Variants in NEBL observed in about 807,000 individuals in gnomAD.
NEBL encodes LIM and SH3 protein 2.
A neutral mutation model predicts 140.2 loss-of-function variants in NEBL; 122 were observed. The observed-to-expected ratio is 0.87, with a 90% CI of 0.75 to 1.01. NEBL has a LOEUF of 1.01. Among genes scored for constraint, NEBL ranks in the 50% least tolerant of loss-of-function variants. The probability of loss-of-function intolerance (pLI) is 0.00; values close to 1 mark genes in which losing one functional copy is unlikely to be tolerated. For missense variants in NEBL, 1,365 were observed against 1,231.3 expected, an observed-to-expected ratio of 1.11 and a Z score of -1.62; for synonymous variants, 436 against 398.9, an observed-to-expected ratio of 1.09 and a Z score of -1.11.
chr10:20,874,873 G>A (rs1290111410), intron 5 of NEBL, among the ~76,000 whole-genome samples: 3 of 152,104 alleles, frequency 2.0e-5, no homozygotes, highest in African/African-American at 7.2e-5. Context: ...CTGAGTAGCT[G>A]GGATTACAGG....
intron 5 of NEBL, among the ~76,000 whole-genome samples, chr10:20,871,490 A>T (rs549487680): frequency 6.6e-6 from 1 of 152,220 alleles, no homozygotes; most frequent in South Asian, 2.1e-4. Context: ...GCATTAATAC[A>T]TCAACAGGCT....
intron 3 of NEBL, among the ~76,000 whole-genome samples, chr10:20,996,909 C>T (rs748666279): frequency 7.2e-5 from 11 of 152,102 alleles, no homozygotes; most frequent in African/African-American, 1.4e-4. Flanking sequence ...CATTTGGAAA[C>T]GTGTGTGCAA....
At chr10:20,945,700 C>T (rs1042200817) in intron 4 of NEBL, among the ~76,000 whole-genome samples, 1 of 152,188 alleles carries the variant, frequency 6.6e-6, no homozygotes, top group Non-Finnish European at 1.5e-5. Flanking sequence ...TAAGAACACA[C>T]TAGCTTCCGT....
intron 4 of NEBL, among the ~76,000 whole-genome samples, chr10:20,912,742 T>C (rs558439228): frequency 5.3e-5 from 8 of 152,162 alleles, no homozygotes; most frequent in Non-Finnish European, 1.2e-4. Flanking sequence ...TGACTTGAGA[T>C]TTCTGAATGA....
At chr10:20,991,377 T>C (rs944909626) in intron 3 of NEBL, among the ~76,000 whole-genome samples, 4 of 152,196 alleles carry the variant, frequency 2.6e-5, no homozygotes, top group Admixed American at 2.6e-4. Context: ...TGTCATATTG[T>C]GAAATTGACA....
intron 4 of NEBL, among the ~76,000 whole-genome samples, chr10:20,925,530 C>T (rs1833866081): frequency 6.6e-6 from 1 of 152,162 alleles, no homozygotes; most frequent in Non-Finnish European, 1.5e-5. Context: ...GACTTCCTCA[C>T]ACCAATAAAT....
chr10:21,048,485 A>C (rs1463018950), intron 2 of NEBL, among the ~76,000 whole-genome samples: 1 of 151,866 alleles, frequency 6.6e-6, no homozygotes, highest in African/African-American at 2.4e-5. Context: ...GTAACAGAAG[A>C]GAAACAATAG....
intron 2 of NEBL, among the ~76,000 whole-genome samples, chr10:21,068,709 C>G (rs1835677215): frequency 6.6e-6 from 1 of 152,174 alleles, no homozygotes; most frequent in Non-Finnish European, 1.5e-5. Flanking sequence ...TTTCTGTCAC[C>G]TGCAACCAAA....
chr10:21,286,790 G>A (rs1174358609), intron 1 of NEBL, among the ~76,000 whole-genome samples: 8 of 151,990 alleles, frequency 5.3e-5, no homozygotes, highest in African/African-American at 1.9e-4. Context: ...AGTGAGCCGA[G>A]ATGGCGCCAC....
intron 3 of NEBL, among the ~76,000 whole-genome samples, chr10:21,004,608 T>C (rs1225291544): frequency 6.6e-6 from 1 of 152,002 alleles, no homozygotes; most frequent in African/African-American, 2.4e-5. Context: ...TAGTCCCAGC[T>C]ACTCGGGAGG....
At chr10:21,058,635 A>G (rs1835143519) in intron 2 of NEBL, among the ~76,000 whole-genome samples, 2 of 152,204 alleles carry the variant, frequency 1.3e-5, no homozygotes, top group Admixed American at 1.3e-4. Context: ...TAAATACAAA[A>G]TTGTCTCAGT....
At chr10:21,088,563 A>G (rs1026989216) in intron 2 of NEBL, among the ~76,000 whole-genome samples, 3 of 152,162 alleles carry the variant, frequency 2.0e-5, no homozygotes, top group Non-Finnish European at 4.4e-5. Context: ...AGCATGTCCT[A>G]TGGCCACTCT....
intron 4 of NEBL, among the ~76,000 whole-genome samples, chr10:20,923,838 A>G (rs1833731437): frequency 6.6e-6 from 1 of 152,006 alleles, no homozygotes; most frequent in South Asian, 2.1e-4. Flanking sequence ...CAGACCCTTG[A>G]CTTAGAGCTC....
chr10:21,120,374 CAAA>C (rs1157067083), intron 2 of NEBL, among the ~76,000 whole-genome samples: 25 of 48,392 alleles, frequency 5.2e-4, no homozygotes, highest in African/African-American at 2.1e-3. Flanking sequence ...GACTGTGTCT[CAAA>C]AAAAAAAAAA....
intron 3 of NEBL, among the ~76,000 whole-genome samples, chr10:21,212,977 G>A (rs1841940459): frequency 6.6e-6 from 1 of 151,808 alleles, no homozygotes; most frequent in African/African-American, 2.4e-5. Flanking sequence ...AGAGCTACAC[G>A]GTAGCAGCTA....
chr10:20,923,042 C>G (rs1833669437), intron 4 of NEBL, among the ~76,000 whole-genome samples: 1 of 152,006 alleles, frequency 6.6e-6, no homozygotes, highest in African/African-American at 2.4e-5. Context: ...AATACAATCT[C>G]TCTCTTGTTC....
intron 1 of NEBL, among the ~76,000 whole-genome samples, chr10:21,251,878 T>C (rs1321533873): frequency 2.0e-5 from 3 of 152,186 alleles, no homozygotes; most frequent in African/African-American, 7.2e-5. Flanking sequence ...TTATGGTATT[T>C]GGTCATCACA....
At chr10:20,928,190 A>C (rs1322270602) in intron 4 of NEBL, among the ~76,000 whole-genome samples, 2 of 152,214 alleles carry the variant, frequency 1.3e-5, no homozygotes, top group African/African-American at 4.8e-5. Flanking sequence ...GGTACAGTTG[A>C]AAAAGTAGAT....
chr10:20,846,024 A>G (rs1841904516), intron 11 of NEBL, among the ~76,000 whole-genome samples: 1 of 152,134 alleles, frequency 6.6e-6, no homozygotes, highest in Admixed American at 6.6e-5. Context: ...ACAAGAAATG[A>G]AAGGTGGATG....
Sources: allele counts gnomAD v4.1 joint callset (sites outside exome capture counted in the v4.1 genomes callset), GRCh38; gene constraint gnomAD v4.1.1; transcripts MANE v1.5; gene names NCBI Gene and HGNC (gene_info 2026-07-23, HGNC 2026-07-21).